Variants in CSMD1 observed in about 807,000 individuals in gnomAD.
The protein encoded by CSMD1 is CUB and sushi domain-containing protein 1.
Under a neutral mutation model 417.5 loss-of-function variants are expected in CSMD1, and 213 were observed. That is an observed-to-expected ratio of 0.51 (90% CI 0.46 to 0.57). CSMD1 has a LOEUF of 0.57. CSMD1 is among the 20% of genes least tolerant of loss of function. The pLI is 0.00. For missense variants in CSMD1, 6,923 were observed against 4,529.7 expected (o/e 1.53, Z -15.17); for synonymous variants, 2,862 against 1,736.8 (o/e 1.65, Z -16.11).
At chr8:3,486,914 G>T (rs930214933) in intron 11 of CSMD1, among the ~76,000 whole-genome samples, 2 of 152,190 alleles carry the variant, frequency 1.3e-5, no homozygotes, top group African/African-American at 2.4e-5. Flanking sequence ...ATCTGGCAAT[G>T]TCTGAACTGT....
intron 10 of CSMD1, among the ~76,000 whole-genome samples, chr8:3,496,677 T>C (rs2117319136): frequency 6.6e-6 from 1 of 152,136 alleles, no homozygotes; most frequent in Admixed American, 6.5e-5. Flanking sequence ...AATACAAAAA[T>C]TAGCCTGGCA....
Position 3,096,884 on chromosome 8 carries a change from C to G in CSMD1, c.7103G>C (p.Ser2368Thr), listed in dbSNP as rs1815344063. ...NITIFVDTFQ[S>T]EKQFDALEVF... is the part of the protein sequence containing the mutation. ...TTCCAGTGCATCAAACTGCTTTTCA[C>G]TTTGAAATGTGTCCACAAAGATGGT... The change falls in exon 47 of 70, where the codon AGT becomes ACT. Residue 2368 changes from serine to threonine, a missense_variant. Transcript: ENST00000635120. 11 of 1,557,128 alleles carry G rather than the reference C, an allele frequency of 7.1e-6. No homozygotes were observed. Among genetic ancestry groups the G allele is most frequent in the Non-Finnish European group, 9.6e-6 (11 of 1,149,246 alleles).
intron 3 of CSMD1, among the ~76,000 whole-genome samples, chr8:4,293,875 G>C (rs1416353166): frequency 6.6e-6 from 1 of 151,848 alleles, no homozygotes; most frequent in Non-Finnish European, 1.5e-5. Context: ...TCAGTGGTGA[G>C]ACCAGATTTA....
chr8:3,219,502 G>T, intron 28 of CSMD1, 60 bp from the exon 29 acceptor site: 3 of 1,215,668 alleles, frequency 2.5e-6, no homozygotes, highest in Non-Finnish European at 3.3e-6. Flanking sequence ...TCCCAGAGTG[G>T]TAAGCCTTTG....
chr8:3,161,714 T>A (rs190854773), intron 38 of CSMD1, among the ~76,000 whole-genome samples: 36 of 152,194 alleles, frequency 2.4e-4, no homozygotes, highest in Middle Eastern at 6.8e-3. Context: ...AAAACTTACT[T>A]AAATGTTTTA....
At position 4,558,177 on chromosome 8, in the gene CSMD1, G is replaced by T. The variant is rs1322094780; in HGVS notation, c.302+79165C>A. ...CTGTGGGAAAAGAGTAACTACAAAA[G>T]CATCTAAACAAGAGCAGGATGTGAT... is the stretch of plus-strand genomic sequence containing the variant. On this transcript the variant is annotated intron_variant, in intron 2 of 69. Coordinates refer to ENST00000635120, the MANE Select transcript of CSMD1 (RefSeq NM_033225.6). Among the ~76,000 whole-genome samples the T allele has an allele frequency of 3.9e-5, 6 of 152,116 alleles. No homozygotes were observed. In the South Asian group the frequency reaches 1.0e-3, roughly 26 times the overall value.
chr8:3,289,548 G>C (rs1803396944), intron 25 of CSMD1, among the ~76,000 whole-genome samples: 1 of 143,206 alleles, frequency 7.0e-6, no homozygotes, highest in South Asian at 2.2e-4. Flanking sequence ...TCTCATTGTG[G>C]TTTTGATTTG....
intron 49 of CSMD1, among the ~76,000 whole-genome samples, chr8:3,070,452 A>G (rs996723245): frequency 2.6e-5 from 4 of 152,184 alleles, no homozygotes; most frequent in African/African-American, 9.7e-5. Context: ...GCCAGGCCAC[A>G]TCTTGAATGT....
At chr8:2,993,962 G>A (rs1461607250) in intron 54 of CSMD1, among the ~76,000 whole-genome samples, 2 of 149,536 alleles carry the variant, frequency 1.3e-5, no homozygotes, top group African/African-American at 5.0e-5. Context: ...TGACCCACAT[G>A]GTGAAACCCC....
At position 4,787,825 on chromosome 8, in the gene CSMD1, A is replaced by G. The variant is rs902509434; in HGVS notation, c.86-150267T>C. 8 of 1,573,082 alleles carry G rather than the reference A, an allele frequency of 5.1e-6. No homozygotes were observed. The East Asian group carries it at 6.7e-5, about 13-fold the overall frequency. On this transcript the variant is annotated intron_variant, in intron 1 of 69. Transcript: ENST00000635120. ...TATCATGAGTCATGCTACACAGGCT[A>G]TATTTGAAATGCTGGAGAAATCCTG... is the stretch of plus-strand genomic sequence containing the variant.
intron 3 of CSMD1, among the ~76,000 whole-genome samples, chr8:4,035,079 C>T (rs915104607): frequency 6.6e-6 from 1 of 152,110 alleles, no homozygotes; most frequent in East Asian, 1.9e-4. Flanking sequence ...ATCAACGAAA[C>T]ATTCTACAGT....
At chr8:4,384,883 C>T (rs925498943) in intron 3 of CSMD1, among the ~76,000 whole-genome samples, 52 of 151,032 alleles carry the variant, frequency 3.4e-4, no homozygotes, top group African/African-American at 1.2e-3. Flanking sequence ...GCTCTAATTT[C>T]TGGTGACTAT....
In CSMD1 at chr8:3,350,023, ATG is replaced by A. The variant is rs917791265; in HGVS notation, c.3305-1864_3305-1863del. On this transcript the variant is annotated intron_variant, in intron 21 of 69. Transcript: ENST00000635120. ...TTATAATACCTATAATAACTTGTGTATGTGTGTGTTATAATACCTATAATAAC... is the reference window on the plus strand; with the variant it reads ...TTATAATACCTATAATAACTTGTGTATGTGTGTTATAATACCTATAATAAC... Among the ~76,000 whole-genome samples, 7 of 144,984 alleles carry A rather than the reference ATG, an allele frequency of 4.8e-5. No homozygotes were observed. In the East Asian group the frequency reaches 6.0e-4, roughly 12 times the overall value.
intron 3 of CSMD1, among the ~76,000 whole-genome samples, chr8:4,156,945 T>C (rs1182593102): frequency 6.6e-6 from 1 of 152,110 alleles, no homozygotes; most frequent in Non-Finnish European, 1.5e-5. Flanking sequence ...ACTTTATCTA[T>C]CCAACCAACT....
At chr8:3,457,473 G>T (rs767047904) in intron 12 of CSMD1, among the ~76,000 whole-genome samples, 3 of 152,156 alleles carry the variant, frequency 2.0e-5, no homozygotes, top group Non-Finnish European at 2.9e-5. Context: ...GTTAAAGCAA[G>T]AGGTGATCTA....
chr8:4,269,127 G>C (rs181248539), intron 3 of CSMD1, among the ~76,000 whole-genome samples: 54 of 152,220 alleles, frequency 3.5e-4, no homozygotes, highest in African/African-American at 1.3e-3. Context: ...TGTGATCTTG[G>C]CTCACTGAAA....
Position 4,637,528 on chromosome 8 carries a change from G to A in CSMD1, c.116C>T (p.Pro39Leu). Residue 39 changes from proline (P) to leucine (L), a missense_variant, in exon 2 of 70, where the codon CCC (proline) becomes CTC (leucine). By Grantham distance (98) the Pro-to-Leu change is moderately conservative. Transcript: ENST00000635120. ...CCCTGGGCTCTCAATAGTGCCATTG[G>A]GACCCTGGACTAAGCCTCCACAGTT... Reference protein sequence around the residue: ...GQNCGGLVQGPNGTIESPGFP... With the variant: ...GQNCGGLVQGLNGTIESPGFP... The A allele has an allele frequency of 6.2e-7, 1 of 1,613,538 alleles. No individual in the cohort carries two copies. The highest frequency in any genetic ancestry group is 8.5e-7 in the Non-Finnish European group (1 of 1,179,734).
At chr8:4,940,569 G>A (rs751762249) in intron 1 of CSMD1, among the ~76,000 whole-genome samples, 8 of 152,174 alleles carry the variant, frequency 5.3e-5, no homozygotes, top group African/African-American at 1.4e-4. Flanking sequence ...AACTAGCCTC[G>A]TGAAGTTTAG....
intron 9 of CSMD1, among the ~76,000 whole-genome samples, chr8:3,584,536 TGA>T (rs67085789): frequency 0.33 from 49,828 of 151,938 alleles, 9,808 homozygotes; most frequent in Middle Eastern, 0.44. Flanking sequence ...TAAGCACCTC[TGA>T]GTGTGTGATA....
Sources: gnomAD v4.1 joint callset for allele counts (sites outside exome capture counted in the v4.1 genomes callset) on GRCh38, gnomAD v4.1.1 for gene constraint, MANE v1.5 for transcripts, NCBI Gene and HGNC (gene_info 2026-07-23, HGNC 2026-07-21) for gene names.